Variants in OGG1 observed in about 807,000 individuals in gnomAD.
OGG1 encodes 8-oxoguanine DNA glycosylase.
A neutral mutation model predicts 42.3 loss-of-function variants in OGG1; 35 were observed. That is an observed-to-expected ratio of 0.83 (90% CI 0.63 to 1.10). The LOEUF (loss-of-function observed/expected upper bound fraction) is 1.10, where lower values mean the gene tolerates loss of function less well. Ranked by LOEUF, OGG1 falls within the 50% of genes least tolerant of loss-of-function variation. The pLI, the probability that OGG1 is intolerant of heterozygous loss-of-function variation, is 0.00. For missense variants in OGG1, 484 were observed against 446.7 expected (o/e 1.08, Z -0.75); for synonymous variants, 189 against 179.0 (o/e 1.06, Z -0.44).
intron 3 of OGG1, chr3:9,781,727 C>A: frequency 2.5e-6 from 1 of 408,032 alleles, no homozygotes. Flanking sequence ...GAAGGAGATG[C>A]TCAGGTCAGG....
At chr3:9,789,977 A>G (rs749816706), downstream of OGG1, 3 of 1,576,234 alleles carry the variant, frequency 1.9e-6, no homozygotes, top group Admixed American at 5.7e-5. Flanking sequence ...AAATTTACAG[A>G]AAGTGTCACT....
downstream of OGG1, chr3:9,759,618 C>T (rs1302681770): frequency 6.2e-7 from 1 of 1,614,012 alleles, no homozygotes; most frequent in Non-Finnish European, 8.5e-7. Context: ...AGGGCAGAAG[C>T]AGACCTGAGG....
chr3:9,765,776 C>A, intron 7 of OGG1: 2 of 1,614,072 alleles, frequency 1.2e-6, no homozygotes, highest in South Asian at 2.2e-5. Context: ...GGACAGCAAT[C>A]TCATTCTCCA....
exon 8 of OGG1, chr3:9,765,911 C>G: frequency 6.2e-7 from 1 of 1,614,110 alleles, no homozygotes; most frequent in Non-Finnish European, 8.5e-7. Context: ...AGGGGATTCA[C>G]AAGGTGAAGA....
At chr3:9,779,945 C>T (rs532547531) in intron 2 of OGG1, 2 of 155,960 alleles carry the variant, frequency 1.3e-5, no homozygotes, top group Admixed American at 6.5e-5. Flanking sequence ...CCCACTGTAA[C>T]AGACATTCAA....
At chr3:9,784,820 C>A (rs1020734728) in intron 3 of OGG1, among the ~76,000 whole-genome samples, 1 of 150,840 alleles carries the variant, frequency 6.6e-6, no homozygotes, top group Non-Finnish European at 1.5e-5. Flanking sequence ...GCCAAGATTG[C>A]GCCATTGCGC....
chr3:9,750,682 C>T (rs2077259834), intron 1 of OGG1: 3 of 691,296 alleles, frequency 4.3e-6, no homozygotes, highest in Admixed American at 5.2e-5. Flanking sequence ...CTCTGTTGCC[C>T]AGGTAGGAAT....
intron 3 of OGG1, among the ~76,000 whole-genome samples, chr3:9,786,847 T>G (rs1386426576): frequency 6.6e-6 from 1 of 152,254 alleles, no homozygotes; most frequent in African/African-American, 2.4e-5. Context: ...TTATATATTA[T>G]TCCCAATCTT....
chr3:9,787,050 G>T, intron 3 of OGG1: 1 of 1,614,184 alleles, frequency 6.2e-7, no homozygotes, highest in Non-Finnish European at 8.5e-7. Flanking sequence ...GCACCAAAGG[G>T]GCATCCATCT....
At chr3:9,765,143 C>A (rs576866380) in intron 7 of OGG1, among the ~76,000 whole-genome samples, 1 of 151,582 alleles carries the variant, frequency 6.6e-6, no homozygotes, top group East Asian at 2.0e-4. Context: ...AAGAGAATTG[C>A]TTGAACCCAA....
chr3:9,786,893 C>A (rs73113561), intron 3 of OGG1: 5 of 969,966 alleles, frequency 5.2e-6, no homozygotes, highest in Non-Finnish European at 6.3e-6. Flanking sequence ...ACTTTTGCAC[C>A]AACCTATTTT....
Position 9,757,006 on chromosome 3 carries a change from AC to A in OGG1, c.949-53del. The stretch of plus-strand genomic sequence containing the variant: ...ACCTCCCAACACTGTCACTAGTCTC[AC>A]CAGCCCTGACCCCAGTGTACCCTCC... On this transcript the variant is annotated intron_variant, in intron 6 of 6. Coordinates refer to ENST00000344629, the MANE Select transcript of OGG1 (RefSeq NM_002542.6). This position sits in a 1 kb window ranked among gnomAD's most constrained non-coding sequence, Gnocchi z 4.5. The A allele has an allele frequency of 6.2e-7, 1 of 1,613,110 alleles. No individual in the cohort carries two copies. Among genetic ancestry groups the A allele is most frequent in the African/African-American group, 1.3e-5 (1 of 74,912 alleles).
At chr3:9,788,190 T>A (rs1403481010) in exon 4 of OGG1, 1 of 155,376 alleles carries the variant, frequency 6.4e-6, no homozygotes, top group Non-Finnish European at 1.4e-5. Context: ...CTGTATTTTC[T>A]AAATTTTCTT....
intron 3 of OGG1, among the ~76,000 whole-genome samples, chr3:9,782,856 G>A (rs985878492): frequency 1.3e-5 from 2 of 151,012 alleles, no homozygotes; most frequent in African/African-American, 2.4e-5. Context: ...ATGAAGTTAA[G>A]ACACAGCACT....
intron 1 of OGG1, 45 bp from the exon 2 acceptor site, chr3:9,750,900 A>AT: frequency 6.2e-7 from 1 of 1,612,730 alleles, no homozygotes; most frequent in Non-Finnish European, 8.5e-7. Flanking sequence ...AAAGGGTGCA[A>AT]GAAAGGAAAT....
At chr3:9,770,852 A>C (rs1314867436), downstream of OGG1, among the ~76,000 whole-genome samples, 1 of 151,984 alleles carries the variant, frequency 6.6e-6, no homozygotes, top group Non-Finnish European at 1.5e-5. Flanking sequence ...GGGCAGCCGG[A>C]GGAGGCACGT....
At chr3:9,774,399 ACT>A (rs1487541747) in intron 2 of OGG1, among the ~76,000 whole-genome samples, 1 of 107,738 alleles carries the variant, frequency 9.3e-6, no homozygotes, top group Non-Finnish European at 1.9e-5. Flanking sequence ...ACAGAGCCAG[ACT>A]CTGTCTCAAA....
chr3:9,758,784 C>G (rs1372770557), downstream of OGG1: 1 of 247,516 alleles, frequency 4.0e-6, no homozygotes, highest in Non-Finnish European at 8.0e-6. Flanking sequence ...CACGCACCAC[C>G]ATGTGTGGCT....
chr3:9,760,792 C>T (rs776579606), downstream of OGG1: 2 of 1,613,632 alleles, frequency 1.2e-6, no homozygotes, highest in Non-Finnish European at 8.5e-7. Flanking sequence ...AACTCATCCT[C>T]ATTTCCACTT....
Sources: allele counts gnomAD v4.1 joint callset (sites outside exome capture counted in the v4.1 genomes callset), GRCh38; gene constraint gnomAD v4.1.1; non-coding constraint Gnocchi (gnomAD v3.1); transcripts MANE v1.5; gene names NCBI Gene and HGNC (gene_info 2026-07-23, HGNC 2026-07-21).